UTRN: variants seen among roughly 807,000 people sequenced by gnomAD.
UTRN encodes dystrophin-related protein 1.
A neutral mutation model predicts 463.9 loss-of-function variants in UTRN; 283 were observed. The ratio of observed to expected loss-of-function variants is 0.61; its 90% CI spans 0.55 to 0.67. The LOEUF is 0.67. Ranked by LOEUF, UTRN falls within the 30% of genes least tolerant of loss-of-function variation. The pLI is 0.00. For missense variants in UTRN, 3,922 were observed against 4,084.3 expected (o/e 0.96, Z 1.08); for synonymous variants, 1,442 against 1,431.5 (o/e 1.01, Z -0.17).
chr6:144,577,181 T>A lies in UTRN; in HGVS notation c.7372T>A (p.Trp2458Arg), dbSNP rs768606403. 6.2e-7 allele frequency: 1 copy of A among 1,613,970 alleles called. No homozygotes were observed. The highest frequency in any genetic ancestry group is 2.2e-5 in the East Asian group (1 of 44,850). The part of the protein sequence containing the change: ...SRRDLENFLK[W>R]IQEAETTVNV... ...CAGAGATCTGGAAAACTTCCTGAAG[T>A]GGATCCAAGAAGCAGAGACCACAGT... Residue 2458 changes from tryptophan to arginine, a missense_variant, in exon 51 of 75, where the codon TGG becomes AGG. By Grantham distance (101) the Trp-to-Arg change is moderately radical. This residue lies in a region of UTRN where 1,309 missense variants were observed against 1,452.6 expected (regional missense o/e 0.90). Coordinates refer to ENST00000367545, the MANE Select transcript of UTRN (RefSeq NM_007124.3).
intron 2 of UTRN, among the ~76,000 whole-genome samples, chr6:144,302,463 T>C (rs1805368557): frequency 6.8e-6 from 1 of 147,906 alleles, no homozygotes; most frequent in Non-Finnish European, 1.5e-5. Context: ...TGAGACGAGA[T>C]TGTGCCAATG....
intron 51 of UTRN, among the ~76,000 whole-genome samples, chr6:144,655,471 T>C (rs930790002): frequency 6.6e-6 from 1 of 152,274 alleles, no homozygotes. Flanking sequence ...AAGTTGGATC[T>C]TTCTTTGAGT....
chr6:144,368,397 A>G (rs1779690699), intron 2 of UTRN, among the ~76,000 whole-genome samples: 1 of 152,224 alleles, frequency 6.6e-6, no homozygotes, highest in African/African-American at 2.4e-5. Context: ...TTGTTGGTAT[A>G]TGTTAATTTG....
chr6:144,591,463 G>C, intron 51 of UTRN, among the ~76,000 whole-genome samples: 1 of 152,120 alleles, frequency 6.6e-6, no homozygotes, highest in East Asian at 1.9e-4. Flanking sequence ...ATTAGGCTCT[G>C]AGATGGCCCC....
chr6:144,435,862 A>G (rs1422315506), intron 9 of UTRN, 73 bp from the exon 10 acceptor site: 27 of 1,535,802 alleles, frequency 1.8e-5, no homozygotes, highest in Non-Finnish European at 2.4e-5. Context: ...TGGGTTCGCC[A>G]TACAGTGTGA....
chr6:144,339,649 A>G (rs543146754), intron 2 of UTRN, among the ~76,000 whole-genome samples: 38 of 152,316 alleles, frequency 2.5e-4, no homozygotes, highest in Admixed American at 5.9e-4. Flanking sequence ...CATATCAGGG[A>G]ACAGTATCAT....
chr6:144,631,618 T>C (rs1180870325), intron 51 of UTRN, among the ~76,000 whole-genome samples: 3 of 152,166 alleles, frequency 2.0e-5, no homozygotes, highest in African/African-American at 7.2e-5. Context: ...ATCAAGGATG[T>C]TGAGAGAGGT....
Position 144,839,391 on chromosome 6 carries a change from TAA to T in UTRN, c.10177+110_10177+111del, listed in dbSNP as rs367655139. ...TCCTACACACTGGTGCCTTAGGAAGTAAAAGAGTTTTTTGTATTTGGTCTTAA... is the reference window on the plus strand; with the variant it reads ...TCCTACACACTGGTGCCTTAGGAAGTAAGAGTTTTTTGTATTTGGTCTTAA... On this transcript the variant is annotated intron_variant, in intron 72 of 74. Coordinates refer to ENST00000367545, the MANE Select transcript of UTRN (RefSeq NM_007124.3). The T allele has an allele frequency of 3.7e-4, 304 of 831,038 alleles. 1 individual carries two copies. Among genetic ancestry groups the T allele is most frequent in the Non-Finnish European group, 4.9e-4 (268 of 544,512 alleles). 51.5% of individuals were successfully genotyped at this position (831,038 alleles called of 1,614,324 possible).
At chr6:144,715,685 C>G (rs1260710652) in intron 53 of UTRN, among the ~76,000 whole-genome samples, 1 of 125,726 alleles carries the variant, frequency 8.0e-6, no homozygotes, top group South Asian at 2.5e-4. Context: ...CTCTCATTCT[C>G]TCTCTCTTCC....
At chr6:144,715,961 C>A (rs981930028) in intron 53 of UTRN, among the ~76,000 whole-genome samples, 1 of 151,892 alleles carries the variant, frequency 6.6e-6, no homozygotes, top group Non-Finnish European at 1.5e-5. Flanking sequence ...CTTTAAATAG[C>A]CAAATGTTTA....
At position 144,423,774 on chromosome 6, in the gene UTRN, G is replaced by A. The variant is rs1297770310; in HGVS notation, c.312+148G>A. ...ATACTGAACTTTTTCTGTGAGTGAA[G>A]AAACAGTCATGTGCTTTTTCTGATG... On this transcript the variant is annotated intron_variant, in intron 5 of 74. Coordinates refer to ENST00000367545, the MANE Select transcript of UTRN (RefSeq NM_007124.3). 5.8e-6 allele frequency: 6 copies of A among 1,028,288 alleles called. No individual in the cohort carries two copies. In the Admixed American group the frequency reaches 1.1e-4, roughly 19 times the overall value. The allele number at this position is 1,028,288 out of a possible 1,614,324, so 63.7% of individuals were successfully genotyped here.
At chr6:144,702,766 A>G (rs976015868) in intron 53 of UTRN, among the ~76,000 whole-genome samples, 1 of 152,138 alleles carries the variant, frequency 6.6e-6, no homozygotes. Context: ...AGAGCCTGCA[A>G]TGTTTGGGGC....
chr6:144,305,423 C>T (rs1020214319), intron 2 of UTRN, among the ~76,000 whole-genome samples: 1 of 152,116 alleles, frequency 6.6e-6, no homozygotes, highest in Non-Finnish European at 1.5e-5. Context: ...TCAGTTTTAT[C>T]TATAATATTT....
intron 51 of UTRN, among the ~76,000 whole-genome samples, chr6:144,606,750 C>A (rs1309996314): frequency 6.6e-5 from 10 of 152,188 alleles, no homozygotes; most frequent in African/African-American, 2.4e-4. Context: ...TTCCTAAAAT[C>A]TCATTGTCTT....
intron 2 of UTRN, among the ~76,000 whole-genome samples, chr6:144,318,294 A>T (rs1034979507): frequency 6.6e-6 from 1 of 151,842 alleles, no homozygotes; most frequent in Non-Finnish European, 1.5e-5. Flanking sequence ...CTTTATTTTT[A>T]TTTATTTATT....
At chr6:144,334,494 G>A (rs1393992200) in intron 2 of UTRN, among the ~76,000 whole-genome samples, 3 of 152,126 alleles carry the variant, frequency 2.0e-5, no homozygotes, top group Non-Finnish European at 4.4e-5. Context: ...AAGAGTTTGA[G>A]GCGTGGGTTT....
At chr6:144,710,369 A>G (rs528779832) in intron 53 of UTRN, among the ~76,000 whole-genome samples, 2 of 152,218 alleles carry the variant, frequency 1.3e-5, no homozygotes, top group African/African-American at 4.8e-5. Flanking sequence ...AGCAGACCCT[A>G]GTGATGAGCA....
At chr6:144,750,324 AG>A (rs1227498200) in intron 55 of UTRN, among the ~76,000 whole-genome samples, 2 of 152,140 alleles carry the variant, frequency 1.3e-5, no homozygotes, top group African/African-American at 4.8e-5. Context: ...CCGAATCTGC[AG>A]CAATGGAAAA....
intron 10 of UTRN, among the ~76,000 whole-genome samples, chr6:144,436,809 T>A (rs4896721): frequency 3.5e-5 from 5 of 141,978 alleles, no homozygotes; most frequent in African/African-American, 1.1e-4. Context: ...TAAATATATA[T>A]AAATAAAAAT....
Sources: gnomAD v4.1 joint callset for allele counts (sites outside exome capture counted in the v4.1 genomes callset) on GRCh38, gnomAD v4.1.1 for gene constraint, gnomAD v4.1.1 regional missense constraint, MANE v1.5 for transcripts, NCBI Gene and HGNC (gene_info 2026-07-23, HGNC 2026-07-21) for gene names.